OR51B5: variants seen among roughly 807,000 people sequenced by gnomAD.
OR51B5 encodes the protein olfactory receptor family 51 subfamily B member 5.
For missense variants in OR51B5, 456 were observed against 374.6 expected (o/e 1.22, Z -1.79); for synonymous variants, 186 against 144.8 (o/e 1.28, Z -2.04).
intron 1 of OR51B5, among the ~76,000 whole-genome samples, chr11:5,443,423 C>T (rs1850720586): frequency 6.6e-6 from 1 of 152,024 alleles, no homozygotes; most frequent in Admixed American, 6.6e-5. Context: ...TTATGGGCTA[C>T]TCTCCTTGCT....
intron 1 of OR51B5, among the ~76,000 whole-genome samples, chr11:5,463,771 A>G (rs2133795474): frequency 6.6e-6 from 1 of 152,364 alleles, no homozygotes; most frequent in African/African-American, 2.4e-5. Flanking sequence ...TTTAGTCATT[A>G]GGTTTTATGG....
chr11:5,446,354 T>A (rs1301531312), intron 1 of OR51B5, among the ~76,000 whole-genome samples: 1 of 152,082 alleles, frequency 6.6e-6, no homozygotes, highest in Non-Finnish European at 1.5e-5. Context: ...AGAATTTAGG[T>A]CATAAGTATA....
intron 1 of OR51B5, among the ~76,000 whole-genome samples, chr11:5,362,173 G>T (rs4910765): frequency 0.38 from 57,742 of 152,018 alleles, 11,197 homozygotes; most frequent in Non-Finnish European, 0.41. Flanking sequence ...TATCAGCACT[G>T]CAGATTTTGA....
At chr11:5,420,450 G>A (rs926632357) in intron 1 of OR51B5, among the ~76,000 whole-genome samples, 1 of 151,688 alleles carries the variant, frequency 6.6e-6, no homozygotes, top group Non-Finnish European at 1.5e-5. Context: ...TTGTCATATA[G>A]TTTTTCTTAA....
chr11:5,504,203 A>G (rs1459391511), intron 1 of OR51B5, among the ~76,000 whole-genome samples: 1 of 152,252 alleles, frequency 6.6e-6, no homozygotes, highest in African/African-American at 2.4e-5. Flanking sequence ...TTTTAAAGAA[A>G]AAAAAGAAAT....
chr11:5,342,787 G>A lies in OR51B5; in HGVS notation c.738C>T (p.Val246=), dbSNP rs769286511. 41 of 1,613,502 alleles carry A rather than the reference G, an allele frequency of 2.5e-5. No homozygotes were observed. The East Asian group carries it at 7.4e-4, about 29-fold the overall frequency. ...CAATCACTGTGACATAAAAAACCAG[G>A]ACACAGCAGATATGGGAGACACAGG... Residue 246 remains valine (V), a synonymous_variant, in exon 1 of 1, where the codon GTC becomes GTT. Coordinates refer to ENST00000300773, the Ensembl canonical transcript of OR51B5.
chr11:5,458,876 G>A (rs1477871086), intron 1 of OR51B5, among the ~76,000 whole-genome samples: 3 of 152,128 alleles, frequency 2.0e-5, no homozygotes, highest in Admixed American at 6.5e-5. Flanking sequence ...GATTTTCTAG[G>A]TATAGAAACA....
intron 1 of OR51B5, among the ~76,000 whole-genome samples, chr11:5,364,610 A>G (rs968681544): frequency 2.6e-5 from 4 of 151,710 alleles, no homozygotes; most frequent in Non-Finnish European, 5.9e-5. Context: ...AGAGGTATTT[A>G]TGTGTCTCTC....
chr11:5,429,818 T>C (rs1365231572), intron 1 of OR51B5, among the ~76,000 whole-genome samples: 7 of 152,370 alleles, frequency 4.6e-5, no homozygotes, highest in African/African-American at 1.7e-4. Context: ...AGTGTTTATC[T>C]AAAATTGAGC....
chr11:5,343,672 A>G, upstream of OR51B5: 1 of 533,622 alleles, frequency 1.9e-6, no homozygotes, highest in Non-Finnish European at 3.3e-6. Flanking sequence ...TGTTTCTCAA[A>G]ATACATTCTC....
At position 5,443,053 on chromosome 11, in the gene OR51B5, TAGTC is replaced by T. The variant is rs573930848; in HGVS notation, n.84+62512_84+62515del. Among the ~76,000 whole-genome samples the T allele has an allele frequency of 1.7e-3, 260 of 152,248 alleles. 1 individual carries two copies. The highest frequency in any genetic ancestry group is 3.1e-3 in the Non-Finnish European group (214 of 68,000). ...GCCTAACTTCAGGCAAAATAAACAA[TAGTC>T]AGAATGATGCAAACTGAGAAGTCAC... On this transcript the variant is annotated intron_variant and non_coding_transcript_variant, in intron 1 of 4. Coordinates refer to the OR51B5 transcript ENST00000415970.
chr11:5,465,230 A>AAAAAAAAT (rs1851121704), intron 1 of OR51B5, among the ~76,000 whole-genome samples: 1 of 148,390 alleles, frequency 6.7e-6, no homozygotes, highest in African/African-American at 2.5e-5. Context: ...AAAAAAAAAA[A>AAAAAAAAT]GTGTTCCTAT....
chr11:5,376,217 G>A (rs1470259904), intron 1 of OR51B5, among the ~76,000 whole-genome samples: 6 of 152,002 alleles, frequency 3.9e-5, no homozygotes, highest in Middle Eastern at 3.4e-3. Flanking sequence ...TGACTACTGG[G>A]TACATAACGA....
At chr11:5,464,171 T>G (rs1242885918) in intron 1 of OR51B5, among the ~76,000 whole-genome samples, 1 of 152,160 alleles carries the variant, frequency 6.6e-6, no homozygotes, top group Non-Finnish European at 1.5e-5. Context: ...TTAAACAGAG[T>G]AGAACTTAAT....
chr11:5,412,929 G>A (rs1007809701), intron 1 of OR51B5, among the ~76,000 whole-genome samples: 1 of 152,018 alleles, frequency 6.6e-6, no homozygotes, highest in African/African-American at 2.4e-5. Flanking sequence ...TGACAGCCTT[G>A]AAAAGAGCAG....
At chr11:5,358,727 C>G (rs953421669) in intron 1 of OR51B5, among the ~76,000 whole-genome samples, 2 of 151,890 alleles carry the variant, frequency 1.3e-5, no homozygotes, top group African/African-American at 4.8e-5. Context: ...TGATGGACAT[C>G]GATGCAAAAA....
intron 1 of OR51B5, among the ~76,000 whole-genome samples, chr11:5,407,013 T>C (rs1850067444): frequency 6.6e-6 from 1 of 152,112 alleles, no homozygotes; most frequent in Non-Finnish European, 1.5e-5. Context: ...AAATTAATGA[T>C]TTAAAAGATT....
At chr11:5,376,175 AC>A (rs1849524932) in intron 1 of OR51B5, among the ~76,000 whole-genome samples, 1 of 152,000 alleles carries the variant, frequency 6.6e-6, no homozygotes, top group Non-Finnish European at 1.5e-5. Context: ...AAACCACTCA[AC>A]TACATGGAAA....
intron 1 of OR51B5, among the ~76,000 whole-genome samples, chr11:5,470,492 T>C (rs1851211991): frequency 6.6e-6 from 1 of 152,214 alleles, no homozygotes; most frequent in South Asian, 2.1e-4. Context: ...TGTGCCTCAA[T>C]TATCCCAAAT....
Sources: gnomAD v4.1 joint callset for allele counts (sites outside exome capture counted in the v4.1 genomes callset) on GRCh38, gnomAD v4.1.1 for gene constraint, MANE v1.5 for transcripts, NCBI Gene and HGNC (gene_info 2026-07-23, HGNC 2026-07-21) for gene names.